ZNF469: variants seen among roughly 807,000 people sequenced by gnomAD.
The protein encoded by ZNF469 is zinc finger protein 469.
A neutral mutation model predicts 1.0 loss-of-function variants in ZNF469; 1 was observed. That is an observed-to-expected ratio of 1.00 (90% CI 0.35 to 4.73). The LOEUF is 4.73. ZNF469 is among the 30% of genes most tolerant of loss of function. The probability of loss-of-function intolerance (pLI) is 0.16; values close to 1 mark genes in which losing one functional copy is unlikely to be tolerated. For synonymous variants in ZNF469, 2,703 were observed against 2,363.4 expected, an observed-to-expected ratio of 1.14 and a Z score of -4.17; for missense variants, 6,100 against 5,356.3, an observed-to-expected ratio of 1.14 and a Z score of -4.33.
At chr16:88,124,389 C>G in the ZNF469 span, among the ~76,000 whole-genome samples, 3 of 152,010 alleles carry the variant, frequency 2.0e-5, no homozygotes, top group Non-Finnish European at 4.4e-5. Flanking sequence ...TCACACCCTG[C>G]TAATTTTTGT....
chr16:88,342,134 C>T, the ZNF469 span, among the ~76,000 whole-genome samples: 9 of 152,164 alleles, frequency 5.9e-5, no homozygotes, highest in East Asian at 1.9e-4. Flanking sequence ...GCTGAGGAGG[C>T]GCTGCGACAG....
the ZNF469 span, among the ~76,000 whole-genome samples, chr16:88,186,169 G>GGTGGGT: frequency 6.6e-6 from 1 of 152,226 alleles, no homozygotes; most frequent in African/African-American, 2.4e-5. Context: ...GCGTCCACAA[G>GGTGGGT]GTGGGTGTGG....
At chr16:88,384,331 C>A (rs986730778) in intron 1 of ZNF469, among the ~76,000 whole-genome samples, 1 of 152,208 alleles carries the variant, frequency 6.6e-6, no homozygotes, top group Admixed American at 6.5e-5. Context: ...TGTCTTGAGG[C>A]CCTCTCAGTG....
chr16:88,392,995 G>C (rs1904531642), intron 1 of ZNF469, among the ~76,000 whole-genome samples: 1 of 152,248 alleles, frequency 6.6e-6, no homozygotes, highest in African/African-American at 2.4e-5. Context: ...CCAGGTCCTG[G>C]CACAGAGAGG....
the ZNF469 span, among the ~76,000 whole-genome samples, chr16:88,229,800 A>C: frequency 6.6e-6 from 1 of 151,958 alleles, no homozygotes; most frequent in African/African-American, 2.4e-5. Flanking sequence ...CTCTGTGCAC[A>C]CCTCCTCCTC....
chr16:88,432,331 A>G lies in ZNF469; in HGVS notation c.4861A>G (p.Thr1621Ala), dbSNP rs1597210044. The G allele has an allele frequency of 6.5e-7, 1 of 1,548,224 alleles. No individual in the cohort carries two copies. ...CCAGGCCACCGTGCCCCACGAGGAC[A>G]CGTTCTCGGCAGCTGACCTCACGCG... ...TCQATVPHEDTFSAADLTRVG... is the reference protein window; with the variant it reads ...TCQATVPHEDAFSAADLTRVG... The change falls in exon 3 of 3, where the codon ACG (threonine) becomes GCG (alanine). Residue 1621 changes from threonine (T) to alanine (A), a missense_variant. Transcript: ENST00000565624.
At chr16:88,386,241 C>T (rs1487263571) in intron 1 of ZNF469, among the ~76,000 whole-genome samples, 1 of 152,148 alleles carries the variant, frequency 6.6e-6, no homozygotes, top group Admixed American at 6.5e-5. Flanking sequence ...TCCTCCTGCT[C>T]ACTGTGGGCG....
chr16:88,198,807 C>T, the ZNF469 span, among the ~76,000 whole-genome samples: 22 of 152,300 alleles, frequency 1.4e-4, no homozygotes, highest in Admixed American at 9.1e-4. Flanking sequence ...AAAAAGAGAG[C>T]GATGGCTCTG....
the ZNF469 span, among the ~76,000 whole-genome samples, chr16:88,327,261 T>A: frequency 6.6e-6 from 1 of 152,120 alleles, no homozygotes; most frequent in East Asian, 1.9e-4. Flanking sequence ...CGGCACTGGT[T>A]CTCTGGGTCT....
chr16:88,257,038 T>C, the ZNF469 span, among the ~76,000 whole-genome samples: 1 of 149,708 alleles, frequency 6.7e-6, no homozygotes, highest in Non-Finnish European at 1.5e-5. Flanking sequence ...AACCTCCGCC[T>C]CCTAGGTTCA....
the ZNF469 span, among the ~76,000 whole-genome samples, chr16:88,297,070 A>G: frequency 6.6e-6 from 1 of 152,246 alleles, no homozygotes; most frequent in Non-Finnish European, 1.5e-5. Context: ...TCTGGAGCAG[A>G]CATCCAGTAA....
At chr16:88,257,202 G>T in the ZNF469 span, among the ~76,000 whole-genome samples, 1 of 150,284 alleles carries the variant, frequency 6.7e-6, no homozygotes, top group South Asian at 2.1e-4. Context: ...GACCTCAGGT[G>T]ATCTGCCTGC....
the ZNF469 span, among the ~76,000 whole-genome samples, chr16:88,264,581 C>T: frequency 6.6e-5 from 10 of 151,406 alleles, no homozygotes; most frequent in East Asian, 1.4e-3. Context: ...CTCCCACATC[C>T]TCCTCCCCCC....
the ZNF469 span, among the ~76,000 whole-genome samples, chr16:88,127,926 C>T: frequency 0.82 from 124,165 of 152,116 alleles, 51,356 homozygotes; most frequent in Middle Eastern, 0.91. Context: ...AGAGTTTATT[C>T]CCAAAACGCC....
chr16:88,226,739 G>A, the ZNF469 span, among the ~76,000 whole-genome samples: 11 of 70,448 alleles, frequency 1.6e-4, no homozygotes, highest in East Asian at 1.9e-3. Flanking sequence ...GGCCCTGCCC[G>A]CCCCCCAACC....
the ZNF469 span, among the ~76,000 whole-genome samples, chr16:88,285,109 C>T: frequency 6.6e-6 from 1 of 152,260 alleles, no homozygotes; most frequent in African/African-American, 2.4e-5. Flanking sequence ...TCAGCTTCAG[C>T]CCAAGAAGCC....
the ZNF469 span, among the ~76,000 whole-genome samples, chr16:88,373,067 G>C: frequency 6.9e-4 from 105 of 152,276 alleles, no homozygotes; most frequent in Non-Finnish European, 1.2e-3. Flanking sequence ...GAATCCCCTG[G>C]CTTGGTACCA....
At chr16:88,137,710 T>C in the ZNF469 span, among the ~76,000 whole-genome samples, 2 of 152,192 alleles carry the variant, frequency 1.3e-5, no homozygotes, top group African/African-American at 2.4e-5. Context: ...TGGTAACTCA[T>C]TGCAAGAGGG....
At chr16:88,137,433 C>T in the ZNF469 span, among the ~76,000 whole-genome samples, 1 of 152,060 alleles carries the variant, frequency 6.6e-6, no homozygotes, top group African/African-American at 2.4e-5. Context: ...TATGTGCATG[C>T]AACCGTGTGT....
Sources: gnomAD v4.1 joint callset for allele counts (sites outside exome capture counted in the v4.1 genomes callset) on GRCh38, gnomAD v4.1.1 for gene constraint, MANE v1.5 for transcripts, NCBI Gene and HGNC (gene_info 2026-07-23, HGNC 2026-07-21) for gene names.